LSR: variants seen among roughly 807,000 people sequenced by gnomAD.
LSR encodes the protein lipolysis stimulated lipoprotein receptor, also known as lipolysis-stimulated lipoprotein receptor.
A neutral mutation model predicts 61.8 loss-of-function variants in LSR; 44 were observed. The ratio of observed to expected loss-of-function variants is 0.71; its 90% CI spans 0.56 to 0.91. The LOEUF is 0.91. Among genes scored for constraint, LSR ranks in the 40% least tolerant of loss-of-function variants. The pLI, the probability that LSR is intolerant of heterozygous loss-of-function variation, is 0.00. For missense variants in LSR, 911 were observed against 830.5 expected, an observed-to-expected ratio of 1.10 and a Z score of -1.19; for synonymous variants, 397 against 350.6, an observed-to-expected ratio of 1.13 and a Z score of -1.48.
chr19:35,255,964 G>T (rs1383656011), intron 2 of LSR, among the ~76,000 whole-genome samples: 1 of 152,174 alleles, frequency 6.6e-6, no homozygotes, highest in South Asian at 2.1e-4. Context: ...CTAGCGAGGT[G>T]GCTCATGCCT....
intron 3 of LSR, among the ~76,000 whole-genome samples, chr19:35,259,907 T>C (rs1245489760): frequency 6.6e-6 from 1 of 152,192 alleles, no homozygotes; most frequent in African/African-American, 2.4e-5. Context: ...GGCCTCCTTG[T>C]GTTAGGGGGA....
In LSR at chr19:35,267,830, G is replaced by A. The variant is rs200169988; in HGVS notation, c.1777G>A (p.Ala593Thr). The A allele has an allele frequency of 6.2e-7, 1 of 1,613,760 alleles. No individual in the cohort carries two copies. The highest frequency in any genetic ancestry group is 1.3e-5 in the African/African-American group (1 of 74,878). Reference protein sequence around the residue: ...SRERRLKKNLALSRESLVV With the variant: ...SRERRLKKNLTLSRESLVV ...CTTTCTTTCTCCCTTGCAGAACTTG[G>A]CCCTGAGTCGGGAAAGTTTAGTCGT... The change falls in exon 10 of 10, where the codon GCC (alanine) becomes ACC (threonine). Residue 593 changes from alanine to threonine, a missense_variant. Physicochemically the swap from Ala to Thr is moderately conservative, Grantham distance 58. Transcript: ENST00000605618.
chr19:35,260,037 C>A (rs887166750), intron 3 of LSR, among the ~76,000 whole-genome samples: 2 of 152,066 alleles, frequency 1.3e-5, no homozygotes, highest in Non-Finnish European at 2.9e-5. Context: ...TGAATGAGCA[C>A]GTGACTGGGG....
At chr19:35,252,641 T>C (rs2065808284) in intron 2 of LSR, among the ~76,000 whole-genome samples, 1 of 119,554 alleles carries the variant, frequency 8.4e-6, no homozygotes, top group African/African-American at 3.3e-5. Context: ...AGAGTGAGAC[T>C]CTGTCTCAAA....
chr19:35,267,734 G>A lies in LSR; in HGVS notation c.1770G>A (p.Lys590=), dbSNP rs1192159702. The A allele has an allele frequency of 6.2e-7, 1 of 1,609,968 alleles. No individual in the cohort carries two copies. The highest frequency in any genetic ancestry group is 8.5e-7 in the Non-Finnish European group (1 of 1,178,762). ...CGTCCCGAGAGCGCAGGCTCAAGAA[G>A]GTGAGGGCCGCCCTCCCTGGCGTCC... ...SQASRERRLK[K]NLALSRESLV... is the part of the protein sequence containing the mutation. The change falls in exon 9 of 10, where the codon AAG becomes AAA. Residue 590 remains lysine, a splice_region_variant and synonymous_variant. Transcript: ENST00000605618.
chr19:35,258,378 G>A (rs1042909159), intron 2 of LSR, among the ~76,000 whole-genome samples: 4 of 151,908 alleles, frequency 2.6e-5, no homozygotes, highest in African/African-American at 9.7e-5. Flanking sequence ...TCTGGGAGGC[G>A]AAGATTGTAG....
At chr19:35,250,066 G>A (rs1011381423) in intron 1 of LSR, among the ~76,000 whole-genome samples, 1 of 152,156 alleles carries the variant, frequency 6.6e-6, no homozygotes, top group African/African-American at 2.4e-5. Flanking sequence ...AGGCTGGGAA[G>A]AGGGATGGCG....
chr19:35,249,622 C>A (rs985141836), intron 1 of LSR, among the ~76,000 whole-genome samples: 1 of 152,140 alleles, frequency 6.6e-6, no homozygotes, highest in East Asian at 1.9e-4. Flanking sequence ...CCACCCACCT[C>A]CCGCGGGCTC....
At chr19:35,255,811 C>A (rs2065849365) in intron 2 of LSR, among the ~76,000 whole-genome samples, 1 of 152,198 alleles carries the variant, frequency 6.6e-6, no homozygotes, top group African/African-American at 2.4e-5. Flanking sequence ...TGATATGTGA[C>A]ATAGTTAACA....
intron 2 of LSR, among the ~76,000 whole-genome samples, chr19:35,252,851 A>G (rs2065811416): frequency 6.6e-6 from 1 of 151,614 alleles, no homozygotes; most frequent in Non-Finnish European, 1.5e-5. Context: ...CATGTCTACA[A>G]AAATTTTAAA....
chr19:35,250,912 C>T (rs2065786020), intron 2 of LSR, among the ~76,000 whole-genome samples: 1 of 151,698 alleles, frequency 6.6e-6, no homozygotes, highest in Non-Finnish European at 1.5e-5. Flanking sequence ...TCTCTTGCCT[C>T]AGCCTCCCGA....
chr19:35,266,701 A>G lies in LSR; in HGVS notation c.975A>G (p.Val325=). ...SSSAGGQGSY[V]PLLRDTDSSV... ...CAGCTGGTGGCCAAGGCTCCTATGT[A>G]CCCCTGCTTCGGGACACGGACAGCA... The change falls in exon 7 of 10, where the codon GTA becomes GTG. Residue 325 remains valine (V), a synonymous_variant. Transcript: ENST00000605618. 6.2e-7 allele frequency: 1 copy of G among 1,608,742 alleles called. No individual in the cohort carries two copies. The highest frequency in any genetic ancestry group is 8.5e-7 in the Non-Finnish European group (1 of 1,177,988).
rs1192492258 is a variant in LSR, at chr19:35,267,198, TG to T, written c.1238del (p.Gly413ValfsTer135). On this transcript the variant is annotated frameshift_variant, in exon 9 of 10. Coordinates refer to ENST00000605618, the MANE Select transcript of LSR (RefSeq NM_205834.4). LOFTEE classifies it high-confidence loss of function. ...PALTPIRDEE[W>X]GGHSPRSPRG... The stretch of plus-strand genomic sequence containing the variant: ...CCTCACCCCGATCCGGGATGAGGAG[TG>T]GGGTGGCCACTCCCCCCGGAGTCCC... The T allele has an allele frequency of 6.6e-7, 1 of 1,518,250 alleles. No homozygotes were observed. The highest frequency in any genetic ancestry group is 1.4e-5 in the African/African-American group (1 of 71,048). The allele number at this position is 1,518,250 out of a possible 1,614,324, so 94.0% of individuals were successfully genotyped here.
At chr19:35,252,989 C>T (rs2065813428) in intron 2 of LSR, among the ~76,000 whole-genome samples, 1 of 152,008 alleles carries the variant, frequency 6.6e-6, no homozygotes, top group South Asian at 2.1e-4. Flanking sequence ...CCACTGCATT[C>T]CAGCCTGGGT....
chr19:35,260,829 CACAA>C (rs2065918126), intron 3 of LSR, among the ~76,000 whole-genome samples: 1 of 151,292 alleles, frequency 6.6e-6, no homozygotes. Flanking sequence ...GCTCAAGAAA[CACAA>C]ACACACACAC....
rs377051575 is a variant in LSR, at chr19:35,267,390, A to C, written c.1426A>C (p.Met476Leu). Residue 476 changes from methionine (M) to leucine (L), a missense_variant, in exon 9 of 10, where the codon ATG becomes CTG. Coordinates refer to ENST00000605618, the MANE Select transcript of LSR (RefSeq NM_205834.4). ...TAATGGTGGGAGAAGCCGGGCCTAC[A>C]TGCCCCCGCGGAGCCGCAGCCGGGA... ...TSNGGRSRAY[M>L]PPRSRSRDDL... 1.2e-5 allele frequency: 19 copies of C among 1,605,334 alleles called. No individual in the cohort carries two copies. The highest frequency in any genetic ancestry group is 1.5e-5 in the Non-Finnish European group (18 of 1,176,802).
chr19:35,255,968 C>T (rs980569798), intron 2 of LSR, among the ~76,000 whole-genome samples: 3 of 152,192 alleles, frequency 2.0e-5, no homozygotes, highest in African/African-American at 7.2e-5. Context: ...CGAGGTGGCT[C>T]ATGCCTGGAA....
chr19:35,262,752 G>A, intron 5 of LSR, 60 bp downstream of exon 5: 1 of 1,584,006 alleles, frequency 6.3e-7, no homozygotes, highest in Non-Finnish European at 8.6e-7. Context: ...AAGGGAAGGA[G>A]GTGGCCATCC....
In LSR at chr19:35,266,698, T is replaced by C. The variant is rs1599608518; in HGVS notation, c.972T>C (p.Tyr324=). The change falls in exon 7 of 10, where the codon TAT becomes TAC. Residue 324 remains tyrosine (Y), a synonymous_variant. Coordinates refer to ENST00000605618, the MANE Select transcript of LSR (RefSeq NM_205834.4). ...RSSSAGGQGS[Y]VPLLRDTDSS... The stretch of plus-strand genomic sequence containing the variant: ...CCCCAGCTGGTGGCCAAGGCTCCTA[T>C]GTACCCCTGCTTCGGGACACGGACA... The C allele has an allele frequency of 1.9e-6, 3 of 1,609,370 alleles. No homozygotes were observed. The highest frequency in any genetic ancestry group is 2.5e-6 in the Non-Finnish European group (3 of 1,178,210).
Sources: allele counts gnomAD v4.1 joint callset (sites outside exome capture counted in the v4.1 genomes callset), GRCh38; gene constraint gnomAD v4.1.1; transcripts MANE v1.5; gene names NCBI Gene and HGNC (gene_info 2026-07-23, HGNC 2026-07-21).